RUNX2: variants seen among roughly 807,000 people sequenced by gnomAD.
The protein encoded by RUNX2 is runt-related transcription factor 2.
In RUNX2, 10 loss-of-function variants were observed where a neutral mutation model predicts 51.7. That is an observed-to-expected ratio of 0.19 (90% CI 0.12 to 0.33). The LOEUF (loss-of-function observed/expected upper bound fraction) is 0.33, where lower values mean the gene tolerates loss of function less well. Among genes scored for constraint, RUNX2 ranks in the 10% least tolerant of loss-of-function variants. The pLI, the probability that RUNX2 is intolerant of heterozygous loss-of-function variation, is 1.00. For missense variants in RUNX2, 562 were observed against 691.3 expected (o/e 0.81, Z 2.10); for synonymous variants, 276 against 273.6 (o/e 1.01, Z -0.09).
At chr6:45,381,774 C>G (rs916395698) in intron 2 of RUNX2, among the ~76,000 whole-genome samples, 22 of 152,286 alleles carry the variant, frequency 1.4e-4, no homozygotes, top group African/African-American at 5.3e-4. Flanking sequence ...AAAGATGTAT[C>G]AAATATGCTG....
chr6:45,523,760 C>T (rs1253106771), intron 7 of RUNX2, among the ~76,000 whole-genome samples: 2 of 151,498 alleles, frequency 1.3e-5, no homozygotes, highest in Non-Finnish European at 2.9e-5. Flanking sequence ...TGGTAAAACC[C>T]CATCTCTACT....
chr6:45,460,025 C>T lies in RUNX2; in HGVS notation c.685+21974C>T, dbSNP rs1255741166. On this transcript the variant is annotated intron_variant, in intron 5 of 8. Transcript: ENST00000647337. ...GGGAAAGTGGTATGACATGAGGCCA[C>T]AGAGATAGTTGGGGGCAGAGAATGG... Among the ~76,000 whole-genome samples, 4 of 152,142 alleles carry T rather than the reference C, an allele frequency of 2.6e-5. No individual in the cohort carries two copies. In the East Asian group the frequency reaches 7.7e-4, roughly 29 times the overall value.
At chr6:45,441,188 G>T (rs893583960) in intron 5 of RUNX2, among the ~76,000 whole-genome samples, 1 of 152,048 alleles carries the variant, frequency 6.6e-6, no homozygotes, top group African/African-American at 2.4e-5. Context: ...ACTTATAGTG[G>T]CTTGAAGTTG....
intron 2 of RUNX2, chr6:45,361,447 A>C (rs1469155969): frequency 6.6e-6 from 1 of 152,232 alleles, no homozygotes; most frequent in Admixed American, 6.5e-5. Context: ...TAAATGGGTA[A>C]AGTAAGGAAG....
chr6:45,369,405 T>A (rs1795672760), intron 2 of RUNX2, among the ~76,000 whole-genome samples: 1 of 152,208 alleles, frequency 6.6e-6, no homozygotes, highest in African/African-American at 2.4e-5. Context: ...TTATTTTAGT[T>A]TATATTAGTT....
chr6:45,545,145 T>C, intron 7 of RUNX2, 72 bp from the exon 8 acceptor site: 1 of 1,271,190 alleles, frequency 7.9e-7, no homozygotes, highest in Non-Finnish European at 1.1e-6. Flanking sequence ...CTTCTCCTTC[T>C]CTCTTGGAAT....
intron 5 of RUNX2, among the ~76,000 whole-genome samples, chr6:45,488,528 T>C (rs1170519920): frequency 6.6e-6 from 1 of 152,172 alleles, no homozygotes; most frequent in Admixed American, 6.6e-5. Context: ...GAGATCACCT[T>C]GGGCAGTGGT....
At chr6:45,423,319 G>A (rs1489302773) in intron 3 of RUNX2, among the ~76,000 whole-genome samples, 1 of 152,104 alleles carries the variant, frequency 6.6e-6, no homozygotes, top group Non-Finnish European at 1.5e-5. Flanking sequence ...CACTGCGAGC[G>A]GACTTGCTCC....
At chr6:45,483,667 C>T (rs1168604556) in intron 5 of RUNX2, among the ~76,000 whole-genome samples, 1 of 152,214 alleles carries the variant, frequency 6.6e-6, no homozygotes, top group Non-Finnish European at 1.5e-5. Context: ...GTTGTCGCTG[C>T]TGTCAGCTTG....
chr6:45,373,225 T>C (rs1160544826), intron 2 of RUNX2, among the ~76,000 whole-genome samples: 1 of 152,108 alleles, frequency 6.6e-6, no homozygotes, highest in Non-Finnish European at 1.5e-5. Flanking sequence ...ATTACAGGCA[T>C]GAAGTCACAG....
chr6:45,513,054 C>T (rs548041383), intron 7 of RUNX2, among the ~76,000 whole-genome samples: 1 of 152,288 alleles, frequency 6.6e-6, no homozygotes, highest in South Asian at 2.1e-4. Context: ...TCCAAAGGCA[C>T]CACAGAAATG....
intron 6 of RUNX2, among the ~76,000 whole-genome samples, chr6:45,494,343 G>A (rs1033040550): frequency 1.3e-5 from 2 of 152,234 alleles, no homozygotes; most frequent in Non-Finnish European, 2.9e-5. Context: ...TGCACAGCAA[G>A]TTACTGGCAG....
At chr6:45,354,886 A>C (rs1792831565) in intron 2 of RUNX2, among the ~76,000 whole-genome samples, 1 of 152,192 alleles carries the variant, frequency 6.6e-6, no homozygotes, top group Non-Finnish European at 1.5e-5. Context: ...GTTACACAGT[A>C]GTAATTATAA....
At chr6:45,441,765 G>A (rs927720514) in intron 5 of RUNX2, among the ~76,000 whole-genome samples, 5 of 152,188 alleles carry the variant, frequency 3.3e-5, no homozygotes, top group African/African-American at 1.2e-4. Context: ...GCTCCTCAGG[G>A]AAAGCTGTGC....
At chr6:45,446,372 G>C (rs1328127393) in intron 5 of RUNX2, among the ~76,000 whole-genome samples, 1 of 152,174 alleles carries the variant, frequency 6.6e-6, no homozygotes, top group Non-Finnish European at 1.5e-5. Context: ...ACACATACAT[G>C]CTTGATCCAA....
At chr6:45,413,793 C>T (rs964367809) in intron 2 of RUNX2, among the ~76,000 whole-genome samples, 11 of 151,896 alleles carry the variant, frequency 7.2e-5, no homozygotes, top group Non-Finnish European at 1.5e-4. Flanking sequence ...TATTTAATAA[C>T]ATATTAAAAA....
intron 2 of RUNX2, among the ~76,000 whole-genome samples, chr6:45,392,917 A>G (rs1797502141): frequency 6.6e-6 from 1 of 152,082 alleles, no homozygotes; most frequent in Non-Finnish European, 1.5e-5. Context: ...CATTCTGTTC[A>G]GATTTTTTTC....
chr6:45,464,188 G>A (rs967465335), intron 5 of RUNX2, among the ~76,000 whole-genome samples: 4 of 138,000 alleles, frequency 2.9e-5, no homozygotes, highest in Admixed American at 7.3e-5. Flanking sequence ...GCGAGACTCC[G>A]TCTAAAAAAA....
chr6:45,505,101 T>TCTGCA, intron 6 of RUNX2, among the ~76,000 whole-genome samples: 1 of 152,310 alleles, frequency 6.6e-6, no homozygotes, highest in South Asian at 2.1e-4. Context: ...TTTCCTCCCG[T>TCTGCA]CTGCATCAAG....
Sources: gnomAD v4.1 joint callset for allele counts (sites outside exome capture counted in the v4.1 genomes callset) on GRCh38, gnomAD v4.1.1 for gene constraint, MANE v1.5 for transcripts, NCBI Gene and HGNC (gene_info 2026-07-23, HGNC 2026-07-21) for gene names.